Variants in STPG2 observed in about 807,000 individuals in gnomAD.
STPG2 encodes sperm tail PG-rich repeat containing 2.
In STPG2, 56 loss-of-function variants were observed where a neutral mutation model predicts 54.2. The ratio of observed to expected loss-of-function variants is 1.03; its 90% confidence interval spans 0.83 to 1.29. The LOEUF (loss-of-function observed/expected upper bound fraction) is 1.29, where lower values mean the gene tolerates loss of function less well. Among genes scored for constraint, STPG2 ranks in the 50% most tolerant of loss-of-function variants. The probability of loss-of-function intolerance (pLI) is 0.00; values close to 1 mark genes in which losing one functional copy is unlikely to be tolerated. For missense variants in STPG2, 596 were observed against 544.9 expected, an observed-to-expected ratio of 1.09 and a Z score of -0.93; for synonymous variants, 200 against 181.8, an observed-to-expected ratio of 1.10 and a Z score of -0.81.
At chr4:98,037,884 A>C (rs1736823122) in intron 5 of STPG2, among the ~76,000 whole-genome samples, 2 of 152,146 alleles carry the variant, frequency 1.3e-5, no homozygotes, top group African/African-American at 2.4e-5. Context: ...AAATAAATTT[A>C]ACAAATATGT....
rs535011596 is a variant in STPG2, at chr4:97,704,661, T to C, written c.1320+8038A>G. On this transcript the variant is annotated intron_variant, in intron 10 of 10. Coordinates refer to ENST00000295268, the MANE Select transcript of STPG2 (RefSeq NM_174952.3). ...AAGTAATGTGCCATGACCTTTACAA[T>C]TGAAGTGCAAAACCAATTTCTAAAA... is the stretch of plus-strand genomic sequence containing the variant. Among the ~76,000 whole-genome samples the C allele has an allele frequency of 2.6e-5, 4 of 152,302 alleles. No individual in the cohort carries two copies. In the East Asian group the frequency reaches 5.8e-4, roughly 22 times the overall value.
At chr4:97,951,657 C>T (rs1733476704) in intron 7 of STPG2, among the ~76,000 whole-genome samples, 1 of 152,082 alleles carries the variant, frequency 6.6e-6, no homozygotes, top group Non-Finnish European at 1.5e-5. Context: ...TCGGTAGCAA[C>T]ATGCTCAGTG....
At chr4:97,484,783 T>C (rs1424326809) in intron 4 of STPG2, among the ~76,000 whole-genome samples, 1 of 151,914 alleles carries the variant, frequency 6.6e-6, no homozygotes, top group African/African-American at 2.4e-5. Context: ...CCAATATCCC[T>C]GATGAACATA....
chr4:97,839,017 T>C (rs919236179), intron 9 of STPG2, among the ~76,000 whole-genome samples: 7 of 151,598 alleles, frequency 4.6e-5, no homozygotes, highest in Admixed American at 2.0e-4. Flanking sequence ...TACTCTGCAG[T>C]TGTACAGTGA....
chr4:98,050,120 G>A (rs1428713797), intron 5 of STPG2, among the ~76,000 whole-genome samples: 3 of 152,060 alleles, frequency 2.0e-5, no homozygotes, highest in Non-Finnish European at 4.4e-5. Context: ...TTTGGATTCT[G>A]ATTAAAACAA....
chr4:97,884,331 T>C (rs1259563004), intron 8 of STPG2, among the ~76,000 whole-genome samples: 1 of 152,160 alleles, frequency 6.6e-6, no homozygotes, highest in Non-Finnish European at 1.5e-5. Flanking sequence ...TGACTATATT[T>C]GCAGATCAGG....
At chr4:97,928,392 A>T (rs1008064184) in intron 8 of STPG2, among the ~76,000 whole-genome samples, 2 of 152,166 alleles carry the variant, frequency 1.3e-5, no homozygotes, top group Non-Finnish European at 2.9e-5. Flanking sequence ...TTATTTTCAG[A>T]GAGTGGGTCA....
At chr4:97,610,959 A>G (rs1278394960) in intron 10 of STPG2, among the ~76,000 whole-genome samples, 1 of 152,106 alleles carries the variant, frequency 6.6e-6, no homozygotes, top group African/African-American at 2.4e-5. Flanking sequence ...ATATTTTTCC[A>G]TTCATAATAT....
intron 8 of STPG2, among the ~76,000 whole-genome samples, chr4:97,901,631 C>T (rs1731180709): frequency 6.6e-6 from 1 of 151,822 alleles, no homozygotes; most frequent in Non-Finnish European, 1.5e-5. Flanking sequence ...GGTGAAAGAT[C>T]TGTATGCTGA....
Position 97,916,639 on chromosome 4 carries a change from C to T in STPG2, c.1044+27258G>A, listed in dbSNP as rs1311990973. On this transcript the variant is annotated intron_variant, in intron 8 of 10. Transcript: ENST00000295268. Reference sequence around the variant, plus strand: ...TCCCACCACTGCAATCCTGCCCTCCCATGCCAGGCTGTGGAGAGCCTCCAG... The same window carrying T: ...TCCCACCACTGCAATCCTGCCCTCCTATGCCAGGCTGTGGAGAGCCTCCAG... 1.4e-4 allele frequency: 22 copies of T among 152,824 alleles called. No homozygotes were observed. The Admixed American group carries it at 1.4e-3, about 10-fold the overall frequency. 9.5% of individuals were successfully genotyped at this position (152,824 alleles called of 1,614,324 possible).
intron 5 of STPG2, among the ~76,000 whole-genome samples, chr4:98,022,498 G>C (rs1578789962): frequency 6.6e-6 from 1 of 151,808 alleles, no homozygotes; most frequent in Middle Eastern, 3.4e-3. Flanking sequence ...TATGTGTCTT[G>C]GAGTTGCTCT....
At chr4:97,926,147 T>A (rs564816985) in intron 8 of STPG2, among the ~76,000 whole-genome samples, 2 of 152,264 alleles carry the variant, frequency 1.3e-5, no homozygotes, top group African/African-American at 2.4e-5. Context: ...ACCTACTGCA[T>A]GAGACAAGGA....
chr4:97,589,269 TTA>T (rs1488176429), intron 10 of STPG2, among the ~76,000 whole-genome samples: 1 of 152,036 alleles, frequency 6.6e-6, no homozygotes, highest in Non-Finnish European at 1.5e-5. Context: ...AGTTTTTGCA[TTA>T]TATATGTGTG....
intron 10 of STPG2, among the ~76,000 whole-genome samples, chr4:97,589,459 T>TA (rs1733083327): frequency 6.6e-6 from 1 of 152,152 alleles, no homozygotes; most frequent in Admixed American, 6.6e-5. Flanking sequence ...TAACAATTGT[T>TA]AAATTCATTG....
In STPG2 at chr4:97,931,298, C is replaced by T. The variant is rs143231707; in HGVS notation, c.1044+12599G>A. 1.5e-3 allele frequency among the ~76,000 whole-genome samples: 230 copies of T among 152,278 alleles called. 1 individual carries two copies. The highest frequency in any genetic ancestry group is 5.3e-3 in the African/African-American group (222 of 41,568). ...GGAATACTTCCAGCTTTTGTGCAATCAGTATAAGGTAGGCTGTGGATTTGT... is the reference window on the plus strand; with the variant it reads ...GGAATACTTCCAGCTTTTGTGCAATTAGTATAAGGTAGGCTGTGGATTTGT... On this transcript the variant is annotated intron_variant, in intron 8 of 10. Transcript: ENST00000295268.
At chr4:97,595,461 AG>A (rs1394631318) in intron 10 of STPG2, among the ~76,000 whole-genome samples, 1 of 151,954 alleles carries the variant, frequency 6.6e-6, no homozygotes, top group Non-Finnish European at 1.5e-5. Flanking sequence ...GGGTAGGGGG[AG>A]AGGGGAGGGT....
At chr4:97,735,309 C>T (rs1046080900) in intron 9 of STPG2, among the ~76,000 whole-genome samples, 1 of 150,718 alleles carries the variant, frequency 6.6e-6, no homozygotes, top group South Asian at 2.1e-4. Flanking sequence ...AGTGGAAAAC[C>T]AAAAACCATA....
intron 4 of STPG2, among the ~76,000 whole-genome samples, chr4:97,528,038 A>C (rs1731323402): frequency 6.6e-6 from 1 of 152,116 alleles, no homozygotes; most frequent in Non-Finnish European, 1.5e-5. Flanking sequence ...TTTTGTTGCC[A>C]TTGCTTTTGG....
chr4:97,716,955 G>T (rs1229056058), intron 9 of STPG2, among the ~76,000 whole-genome samples: 1 of 152,076 alleles, frequency 6.6e-6, no homozygotes, highest in African/African-American at 2.4e-5. Flanking sequence ...CATTTAGAAA[G>T]TTTATACATT....
Sources: allele counts gnomAD v4.1 joint callset (sites outside exome capture counted in the v4.1 genomes callset), GRCh38; gene constraint gnomAD v4.1.1; transcripts MANE v1.5; gene names NCBI Gene and HGNC (gene_info 2026-07-23, HGNC 2026-07-21).